SHLD2: variants seen among roughly 807,000 people sequenced by gnomAD.
SHLD2 encodes shieldin complex subunit 2, also known as RINN1-REV7-interacting novel NHEJ regulator 2.
A neutral mutation model predicts 73.2 loss-of-function variants in SHLD2; 30 were observed. That is an observed-to-expected ratio of 0.41 (90% CI 0.31 to 0.56). The LOEUF (loss-of-function observed/expected upper bound fraction) is 0.56. Ranked by LOEUF, SHLD2 falls within the 20% of genes least tolerant of loss-of-function variation. The pLI is 0.28. For synonymous variants in SHLD2, 285 were observed against 370.1 expected (o/e 0.77, Z 2.64); for missense variants, 745 against 1,055.9 (o/e 0.71, Z 4.08).
chr10:87,187,399 G>C (rs930504218), intron 9 of SHLD2, among the ~76,000 whole-genome samples, 199 bp downstream of exon 9: 3 of 152,136 alleles, frequency 2.0e-5, no homozygotes, highest in African/African-American at 7.2e-5. Context: ...CATGAACAGC[G>C]GGAGGCACCT....
intron 3 of SHLD2, among the ~76,000 whole-genome samples, chr10:87,157,195 A>T (rs557466971): frequency 8.5e-5 from 13 of 152,338 alleles, no homozygotes; most frequent in Admixed American, 7.8e-4. Context: ...CCAGGTGGGA[A>T]TTTCCATTAG....
chr10:87,155,155 TC>T (rs1289951917), intron 3 of SHLD2, among the ~76,000 whole-genome samples: 6 of 78,312 alleles, frequency 7.7e-5, no homozygotes, highest in African/African-American at 2.8e-4. Context: ...CAGGATGGTC[TC>T]GATATCCTCA....
At chr10:87,128,523 C>T (rs1844201736) in intron 2 of SHLD2, among the ~76,000 whole-genome samples, 1 of 152,200 alleles carries the variant, frequency 6.6e-6, no homozygotes, top group Non-Finnish European at 1.5e-5. Flanking sequence ...TGTTTCTTCT[C>T]CTCTTATGTC....
In SHLD2 at chr10:87,111,406, C is replaced by T. The variant is rs193159112; in HGVS notation, c.-6+14417C>T. Reference sequence around the variant, plus strand: ...CTGTAATCCCAACACTTTGGGAGGCCGAAGTAGACGGATCACTTGAGGTCA... The same window carrying T: ...CTGTAATCCCAACACTTTGGGAGGCTGAAGTAGACGGATCACTTGAGGTCA... On this transcript the variant is annotated intron_variant, in intron 2 of 9. Coordinates refer to ENST00000298786, the MANE Select transcript of SHLD2 (RefSeq NM_001330112.2). Among the ~76,000 whole-genome samples, 4 of 151,818 alleles carry T rather than the reference C, an allele frequency of 2.6e-5. No individual in the cohort carries two copies. In the East Asian group the frequency reaches 8.0e-4, roughly 30 times the overall value.
chr10:87,127,035 T>C (rs1157821011), intron 2 of SHLD2, among the ~76,000 whole-genome samples: 4 of 152,082 alleles, frequency 2.6e-5, no homozygotes, highest in Non-Finnish European at 5.9e-5. Context: ...ACAAAATAAG[T>C]GGTTGAAAGT....
chr10:87,128,727 T>C (rs1844214264), intron 2 of SHLD2, among the ~76,000 whole-genome samples: 1 of 152,218 alleles, frequency 6.6e-6, no homozygotes, highest in South Asian at 2.1e-4. Context: ...GTTAGCTATT[T>C]CCCTCTTCTG....
chr10:87,156,446 C>G (rs1245644325), intron 3 of SHLD2, among the ~76,000 whole-genome samples: 4 of 152,076 alleles, frequency 2.6e-5, no homozygotes, highest in African/African-American at 7.2e-5. Flanking sequence ...ATTATAACTT[C>G]TAGCAATAGA....
intron 2 of SHLD2, among the ~76,000 whole-genome samples, chr10:87,150,962 A>T (rs1379873795): frequency 3.3e-5 from 5 of 151,806 alleles, no homozygotes; most frequent in Admixed American, 1.3e-4. Context: ...AGTGGCTGGG[A>T]CTACAGGCGT....
intron 4 of SHLD2, among the ~76,000 whole-genome samples, chr10:87,166,979 G>T (rs1229778065): frequency 6.7e-6 from 1 of 149,736 alleles, no homozygotes; most frequent in East Asian, 2.0e-4. Flanking sequence ...GTGTGTGTGT[G>T]TGTATAAATG....
chr10:87,159,155 T>C (rs1365179511), intron 4 of SHLD2, among the ~76,000 whole-genome samples: 1 of 152,132 alleles, frequency 6.6e-6, no homozygotes, highest in Non-Finnish European at 1.5e-5. Flanking sequence ...AGGATATATA[T>C]ATGGAAGATA....
intron 4 of SHLD2, among the ~76,000 whole-genome samples, chr10:87,160,427 A>G (rs1158351073): frequency 1.2e-4 from 18 of 152,148 alleles, no homozygotes; most frequent in Non-Finnish European, 2.2e-4. Context: ...GTGAGCCATG[A>G]TTGTACCACA....
rs557678303 is a variant in SHLD2, at chr10:87,164,164, G to T, written c.1633+6009G>T. 6.4e-4 allele frequency among the ~76,000 whole-genome samples: 97 copies of T among 152,004 alleles called. 1 individual carries two copies. The highest frequency in any genetic ancestry group is 2.2e-3 in the African/African-American group (93 of 41,452). On this transcript the variant is annotated intron_variant, in intron 4 of 9. Transcript: ENST00000298786. ...GTAGAGATGGGGTTTCACCATGTTG[G>T]CCAGGCTGGTCTTGAACTCCTAACC...
Position 87,187,198 on chromosome 10 carries a change from T to A in SHLD2, c.2513T>A (p.Ile838Lys), listed in dbSNP as rs1026085395. Residue 838 changes from isoleucine to lysine, a missense_variant and splice_region_variant, in exon 9 of 10, where the codon ATA becomes AAA. Physicochemically the swap from Ile to Lys is moderately radical, Grantham distance 102. This residue lies in a region of SHLD2 where 418 missense variants were observed against 567.8 expected (regional missense o/e 0.74). Transcript: ENST00000298786. Reference sequence around the variant, plus strand: ...TCTGCAGACTGCCTCAACAGAGTGATAGGTAATATATCAGTGTGCCATCAA... The same window carrying A: ...TCTGCAGACTGCCTCAACAGAGTGAAAGGTAATATATCAGTGTGCCATCAA... ...NISADCLNRV[I>K]VPSSEITYGM... 3 of 1,539,410 alleles carry A rather than the reference T, an allele frequency of 1.9e-6. No individual in the cohort carries two copies. Among genetic ancestry groups the A allele is most frequent in the Admixed American group, 1.7e-5 (1 of 59,884 alleles).
chr10:87,128,466 C>T (rs188343613), intron 2 of SHLD2, among the ~76,000 whole-genome samples: 1 of 152,354 alleles, frequency 6.6e-6, no homozygotes, highest in Non-Finnish European at 1.5e-5. Context: ...TAGTGCCCAG[C>T]AATTATCCTT....
At chr10:87,144,784 G>A (rs1277076737) in intron 2 of SHLD2, among the ~76,000 whole-genome samples, 1 of 149,168 alleles carries the variant, frequency 6.7e-6, no homozygotes, top group Non-Finnish European at 1.5e-5. Context: ...CCGCCACCAC[G>A]CCCAGCTAAT....
chr10:87,138,066 G>A (rs969727423), intron 2 of SHLD2, among the ~76,000 whole-genome samples: 1 of 152,120 alleles, frequency 6.6e-6, no homozygotes, highest in African/African-American at 2.4e-5. Flanking sequence ...AGAACTTTGG[G>A]AGGTGGGCAG....
intron 2 of SHLD2, among the ~76,000 whole-genome samples, chr10:87,098,524 A>C (rs1220110066): frequency 6.6e-6 from 1 of 151,962 alleles, no homozygotes; most frequent in Non-Finnish European, 1.5e-5. Flanking sequence ...AAAAAAAAAA[A>C]AAAAAACAGG....
chr10:87,184,809 A>G (rs1429146934), intron 8 of SHLD2, among the ~76,000 whole-genome samples: 1 of 152,174 alleles, frequency 6.6e-6, no homozygotes, highest in Non-Finnish European at 1.5e-5. Context: ...ATGCTGCTTT[A>G]TCAGAGAGGC....
intron 9 of SHLD2, among the ~76,000 whole-genome samples, chr10:87,189,002 CTTTT>C (rs10708013): frequency 2.6e-5 from 3 of 113,984 alleles, no homozygotes; most frequent in Admixed American, 8.7e-5. Context: ...GTAATCTCTT[CTTTT>C]TTTTTTTTTT....
Sources: allele counts gnomAD v4.1 joint callset (sites outside exome capture counted in the v4.1 genomes callset), GRCh38; gene constraint gnomAD v4.1.1; regional missense constraint gnomAD v4.1.1; transcripts MANE v1.5; gene names NCBI Gene and HGNC (gene_info 2026-07-23, HGNC 2026-07-21).